The following OS9 variants were observed in gnomAD, a reference collection of about 807,000 sequenced individuals.
The protein encoded by OS9 is OS9 endoplasmic reticulum lectin, also known as protein OS-9.
OS9 carries 58 observed loss-of-function variants against 84.7 expected under a neutral mutation model. The observed-to-expected ratio is 0.68, with a 90% CI of 0.55 to 0.85. The LOEUF (loss-of-function observed/expected upper bound fraction) is 0.85. Among genes scored for constraint, OS9 ranks in the 40% least tolerant of loss-of-function variants. OS9 has a pLI of 0.00. For synonymous variants in OS9, 278 were observed against 320.8 expected, an observed-to-expected ratio of 0.87 and a Z score of 1.43; for missense variants, 760 against 850.9, an observed-to-expected ratio of 0.89 and a Z score of 1.33.
At chr12:57,703,692 C>T (rs758974058) in intron 5 of OS9, among the ~76,000 whole-genome samples, 1 of 152,088 alleles carries the variant, frequency 6.6e-6, no homozygotes, top group Non-Finnish European at 1.5e-5. Context: ...TGTGAGTCCT[C>T]TAACTTTGTT....
intron 10 of OS9, 72 bp from the exon 11 acceptor site, chr12:57,718,074 G>A (rs1298584863): frequency 6.4e-7 from 1 of 1,559,500 alleles, no homozygotes. Flanking sequence ...ACCTGCTACT[G>A]TTTGTCTGCC....
Position 57,695,827 on chromosome 12 carries a change from G to T in OS9, c.387G>T (p.Gln129His). 6.2e-7 allele frequency: 1 copy of T among 1,611,382 alleles called. No individual in the cohort carries two copies. The highest frequency in any genetic ancestry group is 8.5e-7 in the Non-Finnish European group (1 of 1,177,470). The part of the protein sequence containing the change: ...TYEFCYGRHI[Q>H]QYHMEDSEIK... ...AATTCTGTTATGGACGCCACATCCA[G>T]CAATACCACATGGAAGGTAACTCAC... is the stretch of plus-strand genomic sequence containing the variant. The change falls in exon 3 of 15, where the codon CAG becomes CAT. Residue 129 changes from glutamine (Q) to histidine (H), a missense_variant. By Grantham distance (24) the Gln-to-His change is conservative (BLOSUM62 0). Transcript: ENST00000315970.
intron 5 of OS9, among the ~76,000 whole-genome samples, chr12:57,713,792 G>A (rs897134859): frequency 1.3e-5 from 2 of 151,518 alleles, no homozygotes; most frequent in Admixed American, 6.6e-5. Context: ...ATAGATTGAG[G>A]GAGCATGTCA....
chr12:57,716,841 A>T, intron 9 of OS9, 97 bp downstream of exon 9: 2 of 1,085,326 alleles, frequency 1.8e-6, no homozygotes, highest in Non-Finnish European at 2.8e-6. Context: ...GAGGTTGGGT[A>T]GCCAGGCCGG....
chr12:57,720,184 G>A lies in OS9; in HGVS notation c.1686G>A (p.Met562Ile). 1 of 1,614,220 alleles carries A rather than the reference G, an allele frequency of 6.2e-7. No individual in the cohort carries two copies. The highest frequency in any genetic ancestry group is 1.1e-5 in the South Asian group (1 of 91,078). The change falls in exon 13 of 15, where the codon ATG becomes ATA. Residue 562 changes from methionine (M) to isoleucine (I), a missense_variant. Transcript: ENST00000315970. ...GPNQDLTVLE[M>I]KRENPQLKQI... The stretch of plus-strand genomic sequence containing the variant: ...ATCAGGATCTGACTGTCCTCGAGAT[G>A]AAACGGGAAAACCCACAGCTGAAAC...
intron 12 of OS9, chr12:57,719,854 C>A: frequency 2.3e-6 from 1 of 434,848 alleles, no homozygotes; most frequent in Non-Finnish European, 4.1e-6. Flanking sequence ...ATTTGTTTTC[C>A]TATAGGTGAC....
Position 57,694,733 on chromosome 12 carries a change from C to A in OS9, c.163-17C>A. ...TTTCTTTGCTTCCTTGCCCCCCGACCCTCCCTTCTTTCCCAGAGCCAATCT... is the reference window on the plus strand; with the variant it reads ...TTTCTTTGCTTCCTTGCCCCCCGACACTCCCTTCTTTCCCAGAGCCAATCT... On this transcript the variant is annotated splice_polypyrimidine_tract_variant and intron_variant, in intron 1 of 14. Transcript: ENST00000315970. 1.2e-6 allele frequency: 2 copies of A among 1,612,884 alleles called. No individual in the cohort carries two copies. Among genetic ancestry groups the A allele is most frequent in the Non-Finnish European group, 1.7e-6 (2 of 1,179,680 alleles).
chr12:57,707,936 A>G (rs552082746), intron 5 of OS9, among the ~76,000 whole-genome samples: 3 of 151,702 alleles, frequency 2.0e-5, no homozygotes, highest in South Asian at 2.1e-4. Context: ...ATGGAAAAAA[A>G]AAAAAAATTA....
At chr12:57,715,735 G>C in intron 5 of OS9, 25 bp from the exon 6 acceptor site, 1 of 1,523,144 alleles carries the variant, frequency 6.6e-7, no homozygotes, top group South Asian at 1.2e-5. Flanking sequence ...GTGATTAAGT[G>C]TATTCATCCT....
In OS9 at chr12:57,716,117, C is replaced by T. The variant is rs762169890; in HGVS notation, c.816C>T (p.Ile272=). ...QADSKQYGDK[I]IEELQDLGPQ... Reference sequence around the variant, plus strand: ...ACTCAAAGCAGTATGGAGATAAAATCATAGAGGAGCTGCAAGATCTAGGCC... The same window carrying T: ...ACTCAAAGCAGTATGGAGATAAAATTATAGAGGAGCTGCAAGATCTAGGCC... The change falls in exon 7 of 15, where the codon ATC becomes ATT. Residue 272 remains isoleucine (I), a synonymous_variant. Transcript: ENST00000315970. 24 of 1,613,572 alleles carry T rather than the reference C, an allele frequency of 1.5e-5. No individual in the cohort carries two copies. Among genetic ancestry groups the T allele is most frequent in the Admixed American group, 1.3e-4 (8 of 59,994 alleles).
chr12:57,697,862 A>AACACACACACACACAC (rs71084786), intron 5 of OS9, among the ~76,000 whole-genome samples: 1,171 of 116,238 alleles, frequency 0.01, 34 homozygotes, highest in Middle Eastern at 0.028. Context: ...AACATAAGCA[A>AACACACACACACACAC]ACACACACAC....
At position 57,718,982 on chromosome 12, in the gene OS9, G is replaced by C. The variant is rs1414913799; in HGVS notation, c.1411-11G>C. 1 of 1,608,604 alleles carries C rather than the reference G, an allele frequency of 6.2e-7. No individual in the cohort carries two copies. Among genetic ancestry groups the C allele is most frequent in the East Asian group, 2.2e-5 (1 of 44,846 alleles). Reference sequence around the variant, plus strand: ...GACCCTTGACTCACTCTCTTCTCTTGGGTATTCCAGACAGAGAAAGAGCTG... The same window carrying C: ...GACCCTTGACTCACTCTCTTCTCTTCGGTATTCCAGACAGAGAAAGAGCTG... On this transcript the variant is annotated splice_polypyrimidine_tract_variant and intron_variant, in intron 11 of 14. Coordinates refer to ENST00000315970, the MANE Select transcript of OS9 (RefSeq NM_006812.4).
At chr12:57,720,369 C>T (rs1217039180) in intron 13 of OS9, 37 bp from the exon 14 acceptor site, 2 of 1,598,744 alleles carry the variant, frequency 1.3e-6, no homozygotes, top group East Asian at 4.5e-5. Context: ...AGGCTCCCAA[C>T]CATCCTCTCC....
intron 5 of OS9, among the ~76,000 whole-genome samples, chr12:57,704,919 T>C (rs896769550): frequency 6.6e-6 from 1 of 152,198 alleles, no homozygotes; most frequent in African/African-American, 2.4e-5. Context: ...TACAATTCAG[T>C]AAAAATTTAT....
Position 57,719,198 on chromosome 12 carries a change from C to G in OS9, c.1600+16C>G. 2 of 1,609,130 alleles carry G rather than the reference C, an allele frequency of 1.2e-6. No homozygotes were observed. The highest frequency in any genetic ancestry group is 1.7e-6 in the Non-Finnish European group (2 of 1,176,464). Reference sequence around the variant, plus strand: ...CAACCTACAGGTGAGAGCAGTCAGACAAGAAAGAGTAGCCCAGTCTGTTGT... The same window carrying G: ...CAACCTACAGGTGAGAGCAGTCAGAGAAGAAAGAGTAGCCCAGTCTGTTGT... On this transcript the variant is annotated intron_variant, in intron 12 of 14. Coordinates refer to ENST00000315970, the MANE Select transcript of OS9 (RefSeq NM_006812.4).
chr12:57,711,060 A>G (rs1446508705), intron 5 of OS9, among the ~76,000 whole-genome samples: 4 of 135,124 alleles, frequency 3.0e-5, no homozygotes, highest in South Asian at 4.6e-4. Context: ...AAAAAAAAAA[A>G]AGAGAAAAAT....
At chr12:57,711,233 C>T (rs1372245989) in intron 5 of OS9, among the ~76,000 whole-genome samples, 1 of 151,646 alleles carries the variant, frequency 6.6e-6, no homozygotes, top group African/African-American at 2.4e-5. Flanking sequence ...TTTCCTTTCC[C>T]CTTTATTTAT....
chr12:57,710,954 G>T (rs1040227736), intron 5 of OS9, among the ~76,000 whole-genome samples: 1 of 143,606 alleles, frequency 7.0e-6, no homozygotes, highest in East Asian at 2.1e-4. Context: ...CAGGAGAATC[G>T]CTTGAACCCA....
In OS9 at chr12:57,720,967, TCCTCCCCA is replaced by T; in HGVS notation, c.*69_*76del. The T allele has an allele frequency of 6.2e-7, 1 of 1,601,014 alleles. No homozygotes were observed. The highest frequency in any genetic ancestry group is 2.2e-5 in the East Asian group (1 of 44,730). On this transcript the variant is annotated 3_prime_UTR_variant, in exon 15 of 15. Coordinates refer to ENST00000315970, the MANE Select transcript of OS9 (RefSeq NM_006812.4). ...CAGACTCTTCCTGGACTGGCTTGCC[TCCTCCCCA>T]CCTCCCCACCCTGGAACCCCTGAGG...
Sources: gnomAD v4.1 joint callset for allele counts (sites outside exome capture counted in the v4.1 genomes callset) on GRCh38, gnomAD v4.1.1 for gene constraint, MANE v1.5 for transcripts, NCBI Gene and HGNC (gene_info 2026-07-23, HGNC 2026-07-21) for gene names.